COMMD4: variants seen among roughly 807,000 people sequenced by gnomAD.
COMMD4 encodes COMM domain containing 4.
A neutral mutation model predicts 27.5 loss-of-function variants in COMMD4; 18 were observed. The observed-to-expected ratio is 0.65, with a 90% CI of 0.45 to 0.97. The LOEUF (loss-of-function observed/expected upper bound fraction) is 0.97, where lower values mean the gene tolerates loss of function less well. COMMD4 is among the 50% of genes least tolerant of loss of function. The pLI, the probability that COMMD4 is intolerant of heterozygous loss-of-function variation, is 0.00. For missense variants in COMMD4, 243 were observed against 250.0 expected (o/e 0.97, Z 0.19); for synonymous variants, 108 against 108.4 (o/e 1.00, Z 0.02).
At chr15:75,338,527 T>C (rs565685745) in intron 3 of COMMD4, 107 bp downstream of exon 3, 4 of 1,566,976 alleles carry the variant, frequency 2.6e-6, no homozygotes, top group East Asian at 2.3e-5. Context: ...TCTCAACCTC[T>C]CTGGGCACCT....
intron 1 of COMMD4, chr15:75,337,055 A>G (rs531687781): frequency 6.6e-6 from 1 of 152,400 alleles, no homozygotes; most frequent in Admixed American, 6.5e-5. Flanking sequence ...ACTGGCCTCC[A>G]TAATTTCCTT....
chr15:75,337,954 A>G (rs991875148), intron 1 of COMMD4, 108 bp from the exon 2 acceptor site: 5 of 1,100,930 alleles, frequency 4.5e-6, no homozygotes, highest in African/African-American at 3.2e-5. Flanking sequence ...GTATCCATCT[A>G]TGTCGGGGAC....
Position 75,337,418 on chromosome 15 carries a change from C to T in COMMD4, c.4-644C>T, listed in dbSNP as rs541859804. The T allele has an allele frequency of 9.8e-4, 151 of 153,300 alleles. 1 individual carries two copies. The Middle Eastern group carries it at 0.01, about 10-fold the overall frequency. 9.5% of individuals were successfully genotyped at this position (153,300 alleles called of 1,614,324 possible). ...GACCAGCCTGGCTAACATAGTGAAA[C>T]TCTGTCTCTACTAAAAATACAAAAT... On this transcript the variant is annotated intron_variant, in intron 1 of 7. Transcript: ENST00000267935.
At chr15:75,341,092 A>G (rs1278133431), downstream of COMMD4, 2 of 152,428 alleles carry the variant, frequency 1.3e-5, no homozygotes, top group Admixed American at 1.3e-4. Context: ...GATGAGGGCC[A>G]TGTGCGCACA....
Position 75,339,280 on chromosome 15 carries a change from G to C in COMMD4, c.318G>C (p.Leu106=). The change falls in exon 6 of 8, where the codon CTG becomes CTC. Residue 106 remains leucine, a synonymous_variant. Transcript: ENST00000267935. The stretch of plus-strand genomic sequence containing the variant: ...TACCCCCAGAGCACGCGGCCAGCCT[G>C]TGCCGCTGTTATGAGGAGAAGCAAA... ...LGLPKEHAAS[L]CRCYEEKQSP... is the part of the protein sequence containing the mutation. The C allele has an allele frequency of 6.2e-7, 1 of 1,612,236 alleles. No homozygotes were observed. The highest frequency in any genetic ancestry group is 8.5e-7 in the Non-Finnish European group (1 of 1,180,008).
rs750772129 is a variant in COMMD4 at position 75,339,331 on chromosome 15, C to T, written c.369C>T (p.Val123=). ...GCCCCTTGCAGAAGCACTTGCGGGT[C>T]TGCAGCCTACGCAGTAAGTATGAGG... ...KQSPLQKHLR[V]CSLRMNRLAG... The change falls in exon 6 of 8, where the codon GTC becomes GTT. Residue 123 remains valine (V), a synonymous_variant. Transcript: ENST00000267935. 39 of 1,611,434 alleles carry T rather than the reference C, an allele frequency of 2.4e-5. No individual in the cohort carries two copies. In the East Asian group the frequency reaches 5.3e-4, roughly 22 times the overall value.
At chr15:75,340,434 G>C (rs970093567), downstream of COMMD4, among the ~76,000 whole-genome samples, 7 of 152,162 alleles carry the variant, frequency 4.6e-5, no homozygotes, top group Non-Finnish European at 8.8e-5. Context: ...GCATCTGCTT[G>C]TCTGGTGAGA....
intron 1 of COMMD4, 26 bp from the exon 2 acceptor site, chr15:75,338,036 T>A: frequency 6.3e-7 from 1 of 1,592,818 alleles, no homozygotes. Flanking sequence ...CCCTCCAGCC[T>A]GATTACCTGC....
chr15:75,337,889 C>G (rs1278432352), intron 1 of COMMD4, 173 bp from the exon 2 acceptor site: 1 of 658,142 alleles, frequency 1.5e-6, no homozygotes, highest in Admixed American at 2.9e-5. Flanking sequence ...CAGGGTGGGT[C>G]AGGGAGAGAG....
Position 75,338,088 on chromosome 15 carries a change from C to A in COMMD4, c.30C>A (p.Asp10Glu). 6.2e-7 allele frequency: 1 copy of A among 1,608,736 alleles called. No homozygotes were observed. The highest frequency in any genetic ancestry group is 8.5e-7 in the Non-Finnish European group (1 of 1,177,424). ...GGTTCCGGTTCTGTGGTGATCTGGA[C>A]TGTCCCGACTGGGTCCTGGCAGAAA... Reference protein sequence around the residue: MRFRFCGDLDCPDWVLAEIS... With the variant: MRFRFCGDLECPDWVLAEIS... The change falls in exon 2 of 8, where the codon GAC (aspartate) becomes GAA (glutamate). Residue 10 changes from aspartate (D) to glutamate (E), a missense_variant. Physicochemically the swap from Asp to Glu is conservative, Grantham distance 45 (BLOSUM62 2). Coordinates refer to ENST00000267935, the MANE Select transcript of COMMD4 (RefSeq NM_017828.5).
rs749104167 is a variant in COMMD4 at position 75,339,728 on chromosome 15, C to T, written c.409C>T (p.Arg137Trp). ...GAATAGGTTGGCAGGTGTGGGCTGG[C>T]GGGTGGACTACACCCTGAGCTCCAG... is the stretch of plus-strand genomic sequence containing the variant. ...RMNRLAGVGW[R>W]VDYTLSSSLL... Residue 137 changes from arginine (R) to tryptophan (W), a missense_variant, in exon 7 of 8, where the codon CGG (arginine) becomes TGG (tryptophan). By Grantham distance (101) the Arg-to-Trp change is moderately radical. Transcript: ENST00000267935. 16 of 1,605,618 alleles carry T rather than the reference C, an allele frequency of 1.0e-5. No individual in the cohort carries two copies. The highest frequency in any genetic ancestry group is 1.7e-4 in the Middle Eastern group (1 of 6,052).
rs1389456941 is a variant in COMMD4 at position 75,336,156 on chromosome 15, G to C, written c.3+64G>C. 5 of 1,549,528 alleles carry C rather than the reference G, an allele frequency of 3.2e-6. No individual in the cohort carries two copies. The South Asian group carries it at 6.0e-5, about 18-fold the overall frequency. On this transcript the variant is annotated intron_variant, in intron 1 of 7. Transcript: ENST00000267935. ...AGCGGGAATGAGGGGGCGCCAAGTG[G>C]CTCCGGAAACTGGGGGAGGTTGTAC...
Position 75,336,086 on chromosome 15 carries a change from C to T in COMMD4, c.-4C>T, listed in dbSNP as rs891417854. The stretch of plus-strand genomic sequence containing the variant: ...AAATTCCCGGGCCCTGGCTTCTTGG[C>T]GCGATGGTGAGGCACTAGGGGCGAA... On this transcript the variant is annotated 5_prime_UTR_variant, in exon 1 of 8. Transcript: ENST00000267935. 57 of 1,549,590 alleles carry T rather than the reference C, an allele frequency of 3.7e-5. No homozygotes were observed. Among genetic ancestry groups the T allele is most frequent in the Non-Finnish European group, 4.6e-5 (53 of 1,146,812 alleles).
chr15:75,336,998 A>G (rs2071222251), intron 1 of COMMD4: 2 of 152,226 alleles, frequency 1.3e-5, no homozygotes, highest in Admixed American at 6.5e-5. Flanking sequence ...TAGAGAACAA[A>G]TCTTCCTGGC....
At chr15:75,339,145 A>C in intron 5 of COMMD4, 41 bp downstream of exon 5, 4 of 1,612,452 alleles carry the variant, frequency 2.5e-6, no homozygotes, top group Non-Finnish European at 3.4e-6. Context: ...CTGTGGGCCA[A>C]GGGCTGCTAG....
Position 75,340,115 on chromosome 15 carries a change from C to G in COMMD4, c.*110C>G, listed in dbSNP as rs2071406675. ...GGTTCTAGGATGCTGAGGCCCTGGC[C>G]CGGACTCTGGCCTCCCAGATCCCCA... On this transcript the variant is annotated 3_prime_UTR_variant, in exon 8 of 8. Transcript: ENST00000267935. 9.0e-6 allele frequency: 12 copies of G among 1,333,132 alleles called. No homozygotes were observed. Among genetic ancestry groups the G allele is most frequent in the Non-Finnish European group, 1.2e-5 (12 of 971,780 alleles). 82.6% of individuals were successfully genotyped at this position (1,333,132 alleles called of 1,614,324 possible).
rs571281838 is a variant in COMMD4 at position 75,338,367 on chromosome 15, T to C, written c.88T>C (p.Leu30=). The C allele has an allele frequency of 4.4e-6, 7 of 1,596,650 alleles. No homozygotes were observed. In the East Asian group the frequency reaches 1.6e-4, roughly 36 times the overall value. Reference sequence around the variant, plus strand: ...ACTTCCCTTCCAGTCCTCTGTGAAGTTGCGGCTGCTCTGCAGCCAGGTACT... The same window carrying C: ...ACTTCCCTTCCAGTCCTCTGTGAAGCTGCGGCTGCTCTGCAGCCAGGTACT... The part of the protein sequence containing the change: ...STLAKMSSVK[L]RLLCSQVLKE... The change falls in exon 3 of 8, where the codon TTG becomes CTG. Residue 30 remains leucine, a synonymous_variant. Transcript: ENST00000267935.
At position 75,339,717 on chromosome 15, in the gene COMMD4, G is replaced by T. The variant is rs200897342; in HGVS notation, c.398G>T (p.Gly133Val). ...CATCTCACAGTGAATAGGTTGGCAG[G>T]TGTGGGCTGGCGGGTGGACTACACC... is the stretch of plus-strand genomic sequence containing the variant. ...VCSLRMNRLA[G>V]VGWRVDYTLS... Residue 133 changes from glycine to valine, a missense_variant, in exon 7 of 8, where the codon GGT becomes GTT. By Grantham distance (109) the Gly-to-Val change is moderately radical. Coordinates refer to ENST00000267935, the MANE Select transcript of COMMD4 (RefSeq NM_017828.5). 8 of 1,601,546 alleles carry T rather than the reference G, an allele frequency of 5.0e-6. No individual in the cohort carries two copies. Among genetic ancestry groups the T allele is most frequent in the South Asian group, 4.5e-5 (4 of 89,256 alleles).
At chr15:75,338,793 T>C in intron 4 of COMMD4, 108 bp downstream of exon 4, 1 of 1,428,294 alleles carries the variant, frequency 7.0e-7, no homozygotes. Context: ...TAACTTACCT[T>C]CCCTAGTGGA....
Sources: allele counts gnomAD v4.1 joint callset (sites outside exome capture counted in the v4.1 genomes callset), GRCh38; gene constraint gnomAD v4.1.1; transcripts MANE v1.5; gene names NCBI Gene and HGNC (gene_info 2026-07-23, HGNC 2026-07-21).